Variants in TANGO6 observed in about 807,000 individuals in gnomAD.
The protein encoded by TANGO6 is transport and Golgi organization protein 6 homolog.
Under a neutral mutation model 114.2 loss-of-function variants are expected in TANGO6, and 90 were observed. The ratio of observed to expected loss-of-function variants is 0.79; its 90% CI spans 0.66 to 0.94. TANGO6 has a LOEUF of 0.94. Ranked by LOEUF, TANGO6 falls within the 40% of genes least tolerant of loss-of-function variation. TANGO6 has a pLI of 0.00. For missense variants in TANGO6, 1,274 were observed against 1,315.3 expected (o/e 0.97, Z 0.49); for synonymous variants, 477 against 509.8 (o/e 0.94, Z 0.87).
chr16:68,859,480 G>A (rs1157191052), intron 1 of TANGO6, among the ~76,000 whole-genome samples: 1 of 152,172 alleles, frequency 6.6e-6, no homozygotes, highest in East Asian at 1.9e-4. Context: ...CAGAGCCTTT[G>A]TTCTGTTCAG....
At chr16:68,961,331 A>G (rs1963588609) in intron 14 of TANGO6, among the ~76,000 whole-genome samples, 1 of 152,214 alleles carries the variant, frequency 6.6e-6, no homozygotes, top group Non-Finnish European at 1.5e-5. Context: ...GTGACTGAGC[A>G]TGCGGGTTTG....
At chr16:68,901,975 A>G (rs1962790919) in intron 8 of TANGO6, among the ~76,000 whole-genome samples, 1 of 151,160 alleles carries the variant, frequency 6.6e-6, no homozygotes, top group African/African-American at 2.4e-5. Flanking sequence ...TCTTGCTGAG[A>G]GTAGATGATT....
Position 68,928,025 on chromosome 16 carries a change from C to G in TANGO6, c.2585C>G (p.Ser862Cys). Residue 862 changes from serine (S) to cysteine (C), a missense_variant, in exon 13 of 18, where the codon TCC becomes TGC. Around this residue, in one of 5 missense-constraint regions of TANGO6, gnomAD observed 908 missense variants for 910.2 expected, o/e 1.00. Coordinates refer to ENST00000261778, the MANE Select transcript of TANGO6 (RefSeq NM_024562.2). ...PTRAAALRTL[S>C]HWIEQREAKA... Reference sequence around the variant, plus strand: ...CGGGCTGCTGCCCTGCGTACTCTTTCCCACTGGATAGAGCAGAGAGAAGCA... The same window carrying G: ...CGGGCTGCTGCCCTGCGTACTCTTTGCCACTGGATAGAGCAGAGAGAAGCA... 1 of 1,606,524 alleles carries G rather than the reference C, an allele frequency of 6.2e-7. No individual in the cohort carries two copies.
chr16:68,899,474 G>A (rs189542481), intron 7 of TANGO6, among the ~76,000 whole-genome samples: 4 of 151,464 alleles, frequency 2.6e-5, no homozygotes, highest in African/African-American at 4.8e-5. Context: ...GCAGCATTAC[G>A]ATTATTAATA....
At chr16:68,923,182 TC>T (rs1963120893) in intron 12 of TANGO6, among the ~76,000 whole-genome samples, 2 of 151,180 alleles carry the variant, frequency 1.3e-5, no homozygotes, top group Admixed American at 6.6e-5. Flanking sequence ...AGTCCCGAAC[TC>T]CTGACCTCAG....
intron 16 of TANGO6, among the ~76,000 whole-genome samples, chr16:69,038,379 A>C (rs1959723226): frequency 6.6e-6 from 1 of 152,038 alleles, no homozygotes; most frequent in Non-Finnish European, 1.5e-5. Context: ...GCAGTGAGCC[A>C]AGATTGTACC....
chr16:69,063,781 TTTCTTCTTC>T (rs575958202), intron 17 of TANGO6, among the ~76,000 whole-genome samples: 6 of 115,454 alleles, frequency 5.2e-5, no homozygotes, highest in East Asian at 2.4e-4. Flanking sequence ...TAGCCATACT[TTTCTTCTTC>T]TTCTTCTTCT....
At chr16:68,897,506 G>A (rs186866429) in intron 7 of TANGO6, among the ~76,000 whole-genome samples, 1 of 151,770 alleles carries the variant, frequency 6.6e-6, no homozygotes, top group Admixed American at 6.6e-5. Flanking sequence ...CTAAATTTTA[G>A]GCACAAGTAG....
chr16:68,865,592 A>C (rs1032547567), intron 3 of TANGO6, among the ~76,000 whole-genome samples: 4 of 152,112 alleles, frequency 2.6e-5, no homozygotes, highest in Non-Finnish European at 4.4e-5. Context: ...GAAGAAATCC[A>C]CTATCTTTCT....
intron 15 of TANGO6, among the ~76,000 whole-genome samples, chr16:69,015,866 T>C (rs1959288057): frequency 6.6e-6 from 1 of 152,184 alleles, no homozygotes. Context: ...GTTTTGTTAA[T>C]ATAGTGATAT....
chr16:68,967,148 C>T (rs1963653959), intron 14 of TANGO6, among the ~76,000 whole-genome samples: 1 of 152,110 alleles, frequency 6.6e-6, no homozygotes, highest in Admixed American at 6.6e-5. Flanking sequence ...AGAACAATGG[C>T]CCCCAACCTT....
intron 7 of TANGO6, among the ~76,000 whole-genome samples, chr16:68,896,379 A>C (rs1395967267): frequency 6.6e-6 from 1 of 151,890 alleles, no homozygotes; most frequent in Non-Finnish European, 1.5e-5. Flanking sequence ...GCTGGAGTGC[A>C]ATGGCTCACT....
At chr16:69,076,598 C>A (rs1287317420) in intron 17 of TANGO6, among the ~76,000 whole-genome samples, 1 of 152,170 alleles carries the variant, frequency 6.6e-6, no homozygotes, top group African/African-American at 2.4e-5. Flanking sequence ...CCATTGCCTT[C>A]TTTCTGTGTT....
chr16:69,002,957 AC>A (rs1392338305), intron 15 of TANGO6, among the ~76,000 whole-genome samples: 1 of 151,974 alleles, frequency 6.6e-6, no homozygotes. Context: ...CACCAGAATC[AC>A]TTGAACCCGG....
intron 15 of TANGO6, among the ~76,000 whole-genome samples, chr16:68,982,697 C>G (rs1361994690): frequency 1.4e-5 from 2 of 141,746 alleles, no homozygotes; most frequent in African/African-American, 5.4e-5. Flanking sequence ...GTCTCGAACT[C>G]CTGGGCTCAA....
At chr16:69,069,895 A>G (rs900169590) in intron 17 of TANGO6, among the ~76,000 whole-genome samples, 1 of 152,114 alleles carries the variant, frequency 6.6e-6, no homozygotes, top group African/African-American at 2.4e-5. Flanking sequence ...TGCAAAGTAA[A>G]AGCAAGTTTA....
chr16:68,977,402 A>T (rs1963775137), intron 15 of TANGO6, among the ~76,000 whole-genome samples: 1 of 149,016 alleles, frequency 6.7e-6, no homozygotes, highest in Non-Finnish European at 1.5e-5. Context: ...TTTTTTTGAG[A>T]TGGAGTCTTA....
chr16:69,017,342 A>G (rs1365488296), intron 15 of TANGO6, among the ~76,000 whole-genome samples: 1 of 152,198 alleles, frequency 6.6e-6, no homozygotes, highest in Non-Finnish European at 1.5e-5. Context: ...CACATAGTAC[A>G]CACTTAATCA....
At chr16:68,849,578 T>G (rs1185699459) in intron 1 of TANGO6, among the ~76,000 whole-genome samples, 1 of 151,836 alleles carries the variant, frequency 6.6e-6, no homozygotes, top group Non-Finnish European at 1.5e-5. Flanking sequence ...GAGGGTCAGC[T>G]GAGCCCCGGA....
Sources: gnomAD v4.1 joint callset for allele counts (sites outside exome capture counted in the v4.1 genomes callset) on GRCh38, gnomAD v4.1.1 for gene constraint, gnomAD v4.1.1 regional missense constraint, MANE v1.5 for transcripts, NCBI Gene and HGNC (gene_info 2026-07-23, HGNC 2026-07-21) for gene names.